GATA5: variants seen among roughly 807,000 people sequenced by gnomAD.
GATA5 encodes the protein GATA binding protein 5.
A neutral mutation model predicts 35.0 loss-of-function variants in GATA5; 27 were observed. That is an observed-to-expected ratio of 0.77 (90% CI 0.57 to 1.06). The LOEUF is 1.06. Among genes scored for constraint, GATA5 ranks in the 50% least tolerant of loss-of-function variants. The pLI is 0.00. For missense variants in GATA5, 612 were observed against 580.0 expected (o/e 1.06, Z -0.57); for synonymous variants, 306 against 267.8 (o/e 1.14, Z -1.39).
At chr20:62,475,737 G>A (rs892936556) in intron 1 of GATA5, among the ~76,000 whole-genome samples, 193 bp downstream of exon 1, 1 of 152,008 alleles carries the variant, frequency 6.6e-6, no homozygotes, top group African/African-American at 2.4e-5. Flanking sequence ...TCATCCCCGG[G>A]GCAGTCACAA....
rs113295667 is a variant in GATA5, at chr20:62,475,980, C to G, written c.-72G>C. On this transcript the variant is annotated 5_prime_UTR_variant, in exon 1 of 7. Coordinates refer to ENST00000252997, the MANE Select transcript of GATA5 (RefSeq NM_080473.5). ...ACGGCGGTGGCGGTGGGTCGGCGAC[C>G]GGCGGGCCGAAGACTGGAAGCCCGG... 1,196 of 151,420 alleles carry G rather than the reference C, an allele frequency of 7.9e-3. 24 individuals are homozygous for G. The highest frequency in any genetic ancestry group is 0.027 in the African/African-American group (1,116 of 41,420). The allele number at this position is 151,420 out of a possible 1,614,324, so 9.4% of individuals were successfully genotyped here.
In GATA5 at chr20:62,473,515, G is replaced by A. The variant is rs373764622; in HGVS notation, c.587C>T (p.Ser196Phe). The change falls in exon 3 of 7, where the codon TCC (serine) becomes TTC (phenylalanine). Residue 196 changes from serine to phenylalanine, a missense_variant. Ser to Phe is a radical substitution (Grantham distance 155, BLOSUM62 -2). Coordinates refer to ENST00000252997, the MANE Select transcript of GATA5 (RefSeq NM_080473.5). ...GRECVNCGAL[S>F]TPLWRRDGTG... ...GCCGTCTCGGCGCCACAGCGGTGTG[G>A]ACAGGGCCCCGCAGTTGACACACTC... 10 of 1,608,632 alleles carry A rather than the reference G, an allele frequency of 6.2e-6. No homozygotes were observed. The highest frequency in any genetic ancestry group is 8.5e-6 in the Non-Finnish European group (10 of 1,178,166).
At chr20:62,466,635 C>T in intron 3 of GATA5, 84 bp from the exon 4 acceptor site, 1 of 1,467,150 alleles carries the variant, frequency 6.8e-7, no homozygotes, top group South Asian at 1.3e-5. Context: ...TCAGGTCGGC[C>T]TTGCGGCCAC....
chr20:62,475,101 T>C lies in GATA5; in HGVS notation c.421A>G (p.Thr141Ala). 1 of 1,400,040 alleles carries C rather than the reference T, an allele frequency of 7.1e-7. No homozygotes were observed. Among genetic ancestry groups the C allele is most frequent in the Non-Finnish European group, 9.3e-7 (1 of 1,073,852 alleles). 86.7% of individuals were successfully genotyped at this position (1,400,040 alleles called of 1,614,324 possible). The change falls in exon 2 of 7, where the codon ACC becomes GCC. Residue 141 changes from threonine (T) to alanine (A), a missense_variant. Thr to Ala is a moderately conservative substitution (Grantham distance 58). Coordinates refer to ENST00000252997, the MANE Select transcript of GATA5 (RefSeq NM_080473.5). ...TCGGGGCTCACGTAGGCCGGGTAGG[T>C]GGCGGAGTACGAGGTCCCCACCGGC... The part of the protein sequence containing the change: ...GRPVGTSYSA[T>A]YPAYVSPDVA...
chr20:62,473,726 T>C, intron 2 of GATA5, 148 bp from the exon 3 acceptor site: 2 of 665,582 alleles, frequency 3.0e-6, no homozygotes, highest in Non-Finnish European at 5.0e-6. Context: ...CTTAGATGTA[T>C]TTTATTTTAA....
rs1256378681 is a variant in GATA5, at chr20:62,475,215, C to T, written c.307G>A (p.Gly103Ser). Residue 103 changes from glycine to serine, a missense_variant, in exon 2 of 7, where the codon GGC becomes AGC. By Grantham distance (56) the Gly-to-Ser change is moderately conservative. Transcript: ENST00000252997. The stretch of plus-strand genomic sequence containing the variant: ...CGGCCCCCCGCGCTGCCGCCGCTGC[C>T]GGGCCCCGAGGGGCTGTGCGCGAAA... ...FPFAHSPSGPGSGGSAGGRDG... is the reference protein window; with the variant it reads ...FPFAHSPSGPSSGGSAGGRDG... The T allele has an allele frequency of 2.4e-6, 3 of 1,252,252 alleles. No individual in the cohort carries two copies. Among genetic ancestry groups the T allele is most frequent in the African/African-American group, 1.5e-5 (1 of 64,600 alleles). 77.6% of individuals were successfully genotyped at this position (1,252,252 alleles called of 1,614,324 possible). A position where few individuals can be genotyped will look rare whatever the true frequency, so the allele number is the denominator to read the frequency against.
At chr20:62,471,449 T>G (rs1378797584) in intron 3 of GATA5, among the ~76,000 whole-genome samples, 2 of 143,170 alleles carry the variant, frequency 1.4e-5, no homozygotes, top group African/African-American at 5.2e-5. Flanking sequence ...TTTTTTTTTT[T>G]GTGATGAGGT....
chr20:62,472,238 G>A (rs1484698452), intron 3 of GATA5, among the ~76,000 whole-genome samples: 5 of 152,070 alleles, frequency 3.3e-5, no homozygotes, highest in Non-Finnish European at 7.4e-5. Context: ...CCAGGCCCTA[G>A]GCCAGCTCCA....
chr20:62,466,534 G>C lies in GATA5; in HGVS notation c.717C>G (p.Ala239=), dbSNP rs764505817. ...TGTGGCAGTTGGTGCAGCAGAGGCC[G>C]GCGCGGCGGGACGAGGACTGTGGGG... is the stretch of plus-strand genomic sequence containing the variant. ...PQKRLSSSRR[A]GLCCTNCHTT... The change falls in exon 4 of 7, where the codon GCC becomes GCG. Residue 239 remains alanine, a synonymous_variant. Coordinates refer to ENST00000252997, the MANE Select transcript of GATA5 (RefSeq NM_080473.5). 6.4e-7 allele frequency: 1 copy of C among 1,554,636 alleles called. No homozygotes were observed. The highest frequency in any genetic ancestry group is 8.7e-7 in the Non-Finnish European group (1 of 1,149,680).
At chr20:62,469,138 G>A (rs1555896342) in intron 3 of GATA5, among the ~76,000 whole-genome samples, 3 of 152,196 alleles carry the variant, frequency 2.0e-5, no homozygotes, top group African/African-American at 7.2e-5. Context: ...TTCCTGAAGT[G>A]GAAAGAAATC....
chr20:62,467,260 G>A (rs1989615791), intron 3 of GATA5, among the ~76,000 whole-genome samples: 1 of 152,168 alleles, frequency 6.6e-6, no homozygotes, highest in South Asian at 2.1e-4. Flanking sequence ...TGAACTGAGG[G>A]AGGCCTGGGA....
In GATA5 at chr20:62,475,739, C is replaced by A. The variant is rs550490821; in HGVS notation, c.-22+191G>T. Among the ~76,000 whole-genome samples the A allele has an allele frequency of 8.0e-3, 1,214 of 152,012 alleles. 18 individuals are homozygous for A. Among genetic ancestry groups the A allele is most frequent in the African/African-American group, 0.028 (1,165 of 41,492 alleles). ...AGAGGCCAGCGCGTCATCCCCGGGG[C>A]AGTCACAACGCCGAGCCCACCTCCT... On this transcript the variant is annotated intron_variant, in intron 1 of 6. Coordinates refer to ENST00000252997, the MANE Select transcript of GATA5 (RefSeq NM_080473.5).
At position 62,475,862 on chromosome 20, in the gene GATA5, G is replaced by A. The variant is rs1288545567; in HGVS notation, c.-22+68C>T. The A allele has an allele frequency of 1.8e-4, 34 of 191,422 alleles. 1 individual carries two copies. In the Middle Eastern group the frequency reaches 5.6e-3, roughly 32 times the overall value. The allele number at this position is 191,422 out of a possible 1,614,324, so 11.9% of individuals were successfully genotyped here. The stretch of plus-strand genomic sequence containing the variant: ...CAGGACGCAGGGCCTGGAGAGCGGG[G>A]CCCCGCCGCGCTGGGAGGGGCCGGG... On this transcript the variant is annotated intron_variant, in intron 1 of 6. Transcript: ENST00000252997.
intron 3 of GATA5, among the ~76,000 whole-genome samples, chr20:62,468,363 G>A (rs1555896283): frequency 6.6e-6 from 1 of 152,266 alleles, no homozygotes; most frequent in African/African-American, 2.4e-5. Context: ...GGCCGGCCTT[G>A]CTGACCATCT....
In GATA5 at chr20:62,464,902, T is replaced by C. The variant is rs6061550; in HGVS notation, c.1128A>G (p.Pro376=). 0.53 allele frequency: 860,495 copies of C among 1,609,190 alleles called. 234,645 individuals are homozygous for C. The highest frequency in any genetic ancestry group is 0.8 in the African/African-American group (60,041 of 74,780). The change falls in exon 7 of 7, where the codon CCA becomes CCG. Residue 376 remains proline, a synonymous_variant. Transcript: ENST00000252997. ...CCCCCCTGAGGCCAGCCTGGGGGCT[T>C]GGGGCCGTGGAGGGGAAGGCAAAGT... The part of the protein sequence containing the change: ...PEDFAFPSTA[P]SPQAGLRGAL...
intron 3 of GATA5, 22 bp downstream of exon 3, chr20:62,473,381 C>A: frequency 6.3e-7 from 1 of 1,591,236 alleles, no homozygotes. Context: ...CCCAGGCGCC[C>A]CTCTGCCCAG....
At chr20:62,474,335 G>A (rs1465768177) in intron 2 of GATA5, among the ~76,000 whole-genome samples, 3 of 152,202 alleles carry the variant, frequency 2.0e-5, no homozygotes, top group Admixed American at 1.3e-4. Flanking sequence ...GCCAGCAGCC[G>A]GGCTGTCCAG....
At chr20:62,465,314 C>A in intron 6 of GATA5, 26 bp downstream of exon 6, 3 of 1,573,756 alleles carry the variant, frequency 1.9e-6, no homozygotes, top group Non-Finnish European at 2.6e-6. Context: ...CAGCTCTGGG[C>A]ACCCCACCCC....
intron 1 of GATA5, 59 bp downstream of exon 1, chr20:62,475,871 C>T (rs1989850187): frequency 5.5e-6 from 1 of 180,728 alleles, no homozygotes; most frequent in Non-Finnish European, 1.1e-5. Flanking sequence ...GGCCCCGCCG[C>T]GCTGGGAGGG....
Sources: gnomAD v4.1 joint callset for allele counts (sites outside exome capture counted in the v4.1 genomes callset) on GRCh38, gnomAD v4.1.1 for gene constraint, MANE v1.5 for transcripts, NCBI Gene and HGNC (gene_info 2026-07-23, HGNC 2026-07-21) for gene names.